RSF1: variants seen among roughly 807,000 people sequenced by gnomAD.
The protein encoded by RSF1 is HBV pX-associated protein 8.
RSF1 carries 13 observed loss-of-function variants against 145.2 expected under a neutral mutation model. The ratio of observed to expected loss-of-function variants is 0.09; its 90% CI spans 0.06 to 0.14. The LOEUF (loss-of-function observed/expected upper bound fraction) is 0.14. Among genes scored for constraint, RSF1 ranks in the 10% least tolerant of loss-of-function variants. The probability of loss-of-function intolerance (pLI) is 1.00; values close to 1 mark genes in which losing one functional copy is unlikely to be tolerated. For synonymous variants in RSF1, 577 were observed against 592.6 expected (o/e 0.97, Z 0.38); for missense variants, 1,517 against 1,718.2 (o/e 0.88, Z 2.07).
upstream of RSF1, among the ~76,000 whole-genome samples, chr11:77,824,790 A>G (rs1347641146): frequency 2.0e-5 from 3 of 152,338 alleles, no homozygotes; most frequent in Non-Finnish European, 1.5e-5. Flanking sequence ...TTATTTCTCA[A>G]AATTCATTGA....
In RSF1 at chr11:77,725,303, T is replaced by C. The variant is rs988512105; in HGVS notation, c.733+242A>G. 2.0e-5 allele frequency among the ~76,000 whole-genome samples: 3 copies of C among 152,342 alleles called. No homozygotes were observed. The East Asian group carries it at 5.8e-4, about 29-fold the overall frequency. ...TCTTCACATTCCTTAGTAAAAAATA[T>C]TATGTTTTGATGATCTGAACATTTT... On this transcript the variant is annotated intron_variant, in intron 5 of 15. Transcript: ENST00000308488.
intron 2 of RSF1, among the ~76,000 whole-genome samples, chr11:77,754,103 AGCT>A (rs1948092168): frequency 6.6e-6 from 1 of 152,326 alleles, no homozygotes; most frequent in Admixed American, 6.5e-5. Context: ...ATTGCAATTC[AGCT>A]GCTCTACATG....
At chr11:77,668,776 G>T (rs1959441519) in intron 15 of RSF1, among the ~76,000 whole-genome samples, 1 of 152,160 alleles carries the variant, frequency 6.6e-6, no homozygotes, top group East Asian at 1.9e-4. Context: ...CATTTTATAT[G>T]AGGGACTTGT....
At chr11:77,711,465 G>A (rs1374370714) in intron 5 of RSF1, among the ~76,000 whole-genome samples, 3 of 152,010 alleles carry the variant, frequency 2.0e-5, no homozygotes, top group Non-Finnish European at 4.4e-5. Context: ...TCAGGAGTTT[G>A]AGACCAGCCT....
the RSF1 span, among the ~76,000 whole-genome samples, chr11:77,860,097 T>C: frequency 1.3e-5 from 2 of 152,214 alleles, no homozygotes; most frequent in African/African-American, 2.4e-5. Flanking sequence ...CTCTCAGACA[T>C]GTGTAAGGAC....
the RSF1 span, among the ~76,000 whole-genome samples, chr11:77,835,175 A>C: frequency 6.6e-6 from 1 of 152,226 alleles, no homozygotes; most frequent in Non-Finnish European, 1.5e-5. Context: ...AATAACATGC[A>C]AACAGAAGTA....
chr11:77,678,430 T>C (rs1959771667), intron 11 of RSF1, among the ~76,000 whole-genome samples: 1 of 152,120 alleles, frequency 6.6e-6, no homozygotes. Flanking sequence ...TTGGCCAGAA[T>C]GGTCTCGATC....
intron 1 of RSF1, among the ~76,000 whole-genome samples, chr11:77,809,490 G>A (rs1948710598): frequency 6.6e-6 from 1 of 152,142 alleles, no homozygotes; most frequent in Non-Finnish European, 1.5e-5. Flanking sequence ...AGTTATCATG[G>A]TGAATACAAC....
chr11:77,715,488 C>T (rs1960785908), intron 5 of RSF1, among the ~76,000 whole-genome samples: 1 of 152,170 alleles, frequency 6.6e-6, no homozygotes, highest in Non-Finnish European at 1.5e-5. Context: ...CACTCTGTCG[C>T]CCAGGCTGGA....
the RSF1 span, among the ~76,000 whole-genome samples, chr11:77,830,934 A>G: frequency 7.0e-6 from 1 of 143,856 alleles, no homozygotes; most frequent in African/African-American, 2.6e-5. Context: ...TGAGTCCAGG[A>G]GTTTGAGACC....
At chr11:77,727,472 A>AATT (rs1961082758) in intron 4 of RSF1, among the ~76,000 whole-genome samples, 1 of 94,072 alleles carries the variant, frequency 1.1e-5, no homozygotes, top group Admixed American at 1.2e-4. Flanking sequence ...TACTTCCACT[A>AATT]CTTTTTTTTT....
chr11:77,817,562 A>G (rs1427140283), intron 1 of RSF1, among the ~76,000 whole-genome samples: 1 of 152,220 alleles, frequency 6.6e-6, no homozygotes, highest in African/African-American at 2.4e-5. Context: ...ACAATGCTCT[A>G]GGGTGCCTTG....
chr11:77,821,183 A>T (rs1317625369), upstream of RSF1: 2 of 356,242 alleles, frequency 5.6e-6, no homozygotes, highest in African/African-American at 4.2e-5. Context: ...CTGGGAGCGT[A>T]AGTGCGGGCA....
chr11:77,801,330 A>G (rs578213358), intron 1 of RSF1, among the ~76,000 whole-genome samples: 1 of 152,162 alleles, frequency 6.6e-6, no homozygotes, highest in Non-Finnish European at 1.5e-5. Flanking sequence ...CGGGAGTTTG[A>G]GACAGGAGAA....
chr11:77,825,402 C>T (rs1336476453), upstream of RSF1, among the ~76,000 whole-genome samples: 1 of 152,102 alleles, frequency 6.6e-6, no homozygotes, highest in African/African-American at 2.4e-5. Context: ...TTATCTAAAA[C>T]TCACTTTAAA....
chr11:77,872,148 T>C, the RSF1 span: 2 of 1,605,448 alleles, frequency 1.2e-6, no homozygotes, highest in Admixed American at 1.7e-5. Context: ...TTCCCCCTAC[T>C]TACTCATCTC....
chr11:77,684,369 AG>A (rs1959948846), intron 10 of RSF1, among the ~76,000 whole-genome samples: 1 of 152,242 alleles, frequency 6.6e-6, no homozygotes, highest in Non-Finnish European at 1.5e-5. Flanking sequence ...TGCAAAACAA[AG>A]GTAATCCTTC....
In RSF1 at chr11:77,693,558, A is replaced by G. The variant is rs1047204327; in HGVS notation, c.2769T>C (p.Pro923=). ...CTCCATCTGGGATGATCATCAGAGG[A>G]GGGCGAAGGCAGGCAGTATGGTATC... ...DSGYHTACLR[P]PLMIIPDGEW... The change falls in exon 8 of 16, where the codon CCT becomes CCC. Residue 923 remains proline, a synonymous_variant. Coordinates refer to ENST00000308488, the MANE Select transcript of RSF1 (RefSeq NM_016578.4). 4.3e-6 allele frequency: 7 copies of G among 1,613,934 alleles called. No individual in the cohort carries two copies. The African/African-American group carries it at 6.7e-5, about 15-fold the overall frequency.
At position 77,715,778 on chromosome 11, in the gene RSF1, G is replaced by GT. The variant is rs544736584; in HGVS notation, c.733+9766dup. On this transcript the variant is annotated intron_variant, in intron 5 of 15. Transcript: ENST00000308488. Reference sequence around the variant, plus strand: ...AATGTCTTATATAATAAAAATAGTAGTTTTTTTTCCTTTTTTGAGACAGGG... The same window carrying GT: ...AATGTCTTATATAATAAAAATAGTAGTTTTTTTTTCCTTTTTTGAGACAGGG... Among the ~76,000 whole-genome samples, 1,187 of 151,674 alleles carry GT rather than the reference G, an allele frequency of 7.8e-3. 7 individuals are homozygous for GT. The highest frequency in any genetic ancestry group is 0.012 in the Non-Finnish European group (813 of 67,876).
Sources: allele counts gnomAD v4.1 joint callset (sites outside exome capture counted in the v4.1 genomes callset), GRCh38; gene constraint gnomAD v4.1.1; transcripts MANE v1.5; gene names NCBI Gene and HGNC (gene_info 2026-07-23, HGNC 2026-07-21).